MACROD2: variants seen among roughly 807,000 people sequenced by gnomAD.
MACROD2 encodes the protein ADP-ribose glycohydrolase MACROD2.
MACROD2 carries 36 observed loss-of-function variants against 70.4 expected under a neutral mutation model. The observed-to-expected ratio is 0.51, with a 90% confidence interval of 0.39 to 0.68. The LOEUF is 0.68. Among genes scored for constraint, MACROD2 ranks in the 30% least tolerant of loss-of-function variants. The pLI, the probability that MACROD2 is intolerant of heterozygous loss-of-function variation, is 0.00. For synonymous variants in MACROD2, 172 were observed against 178.8 expected (o/e 0.96, Z 0.30); for missense variants, 496 against 538.4 (o/e 0.92, Z 0.78).
chr20:14,528,238 T>C (rs1447773851), intron 4 of MACROD2, among the ~76,000 whole-genome samples: 1 of 151,710 alleles, frequency 6.6e-6, no homozygotes, highest in Non-Finnish European at 1.5e-5. Flanking sequence ...GCCTCCCAAG[T>C]AGCTGGGATT....
At chr20:14,318,820 C>G (rs1034540668) in intron 3 of MACROD2, among the ~76,000 whole-genome samples, 17 of 152,148 alleles carry the variant, frequency 1.1e-4, no homozygotes, top group African/African-American at 4.1e-4. Context: ...GGATCATTTT[C>G]TAACTGCTTT....
At chr20:15,079,236 G>T (rs1347924575) in intron 5 of MACROD2, among the ~76,000 whole-genome samples, 1 of 151,816 alleles carries the variant, frequency 6.6e-6, no homozygotes, top group South Asian at 2.1e-4. Flanking sequence ...TCAGTTACAG[G>T]GAATTTTAGC....
intron 3 of MACROD2, among the ~76,000 whole-genome samples, chr20:14,428,460 A>G (rs1485123316): frequency 6.6e-6 from 1 of 152,138 alleles, no homozygotes; most frequent in Non-Finnish European, 1.5e-5. Context: ...GTTTTATGAA[A>G]TGAAAAGAAT....
chr20:15,030,586 C>T (rs2075266988), intron 5 of MACROD2, among the ~76,000 whole-genome samples: 2 of 152,138 alleles, frequency 1.3e-5, no homozygotes, highest in Non-Finnish European at 2.9e-5. Context: ...TGCTCAACAT[C>T]TTTGCTCAGG....
At chr20:15,784,078 G>A (rs2051879812) in intron 8 of MACROD2, among the ~76,000 whole-genome samples, 1 of 152,084 alleles carries the variant, frequency 6.6e-6, no homozygotes. Context: ...GATATTCCAT[G>A]TAATAGTCTC....
At position 16,048,240 on chromosome 20, in the gene MACROD2, G is replaced by C. The variant is rs575756655; in HGVS notation, c.1301-1590G>C. 3.9e-5 allele frequency among the ~76,000 whole-genome samples: 6 copies of C among 152,224 alleles called. No homozygotes were observed. In the East Asian group the frequency reaches 9.7e-4, roughly 24 times the overall value. On this transcript the variant is annotated intron_variant, in intron 17 of 17. Transcript: ENST00000684519. ...ATCCATTTTGAGTGAGAGTCAGTAGGTAAAATTACAGGACAATTAGCACTA... is the reference window on the plus strand; with the variant it reads ...ATCCATTTTGAGTGAGAGTCAGTAGCTAAAATTACAGGACAATTAGCACTA...
At chr20:15,677,019 G>T (rs923155789) in intron 8 of MACROD2, among the ~76,000 whole-genome samples, 4 of 152,166 alleles carry the variant, frequency 2.6e-5, no homozygotes, top group Non-Finnish European at 1.5e-5. Context: ...CATATAAATT[G>T]ATGACTTTGG....
intron 5 of MACROD2, among the ~76,000 whole-genome samples, chr20:15,023,764 C>T (rs1049464637): frequency 6.6e-6 from 1 of 152,106 alleles, no homozygotes; most frequent in Non-Finnish European, 1.5e-5. Context: ...TAGATTCGCT[C>T]CTATGACGTG....
intron 5 of MACROD2, among the ~76,000 whole-genome samples, chr20:14,918,156 T>G (rs967401248): frequency 6.6e-6 from 1 of 152,084 alleles, no homozygotes; most frequent in African/African-American, 2.4e-5. Flanking sequence ...GTATTATTTT[T>G]GTAGGGATGG....
chr20:14,911,868 G>A (rs2074031797), intron 5 of MACROD2, among the ~76,000 whole-genome samples: 1 of 152,098 alleles, frequency 6.6e-6, no homozygotes, highest in African/African-American at 2.4e-5. Context: ...GGGAAACTGA[G>A]GCATGACGAA....
At chr20:14,718,929 A>G (rs937020651) in intron 5 of MACROD2, among the ~76,000 whole-genome samples, 12 of 152,218 alleles carry the variant, frequency 7.9e-5, no homozygotes, top group African/African-American at 2.9e-4. Flanking sequence ...TACACATTTT[A>G]TAAGTTAAAA....
chr20:14,073,954 C>T (rs867371772), intron 2 of MACROD2, among the ~76,000 whole-genome samples: 4 of 152,158 alleles, frequency 2.6e-5, no homozygotes, highest in East Asian at 1.9e-4. Flanking sequence ...GTCAGACCTT[C>T]GTTGTCCAGT....
At chr20:15,942,317 GGAGCAT>G (rs2065761997) in intron 12 of MACROD2, among the ~76,000 whole-genome samples, 1 of 152,136 alleles carries the variant, frequency 6.6e-6, no homozygotes, top group Non-Finnish European at 1.5e-5. Context: ...AGTTGAGCTG[GGAGCAT>G]GAGATACTAG....
At chr20:15,745,467 G>A (rs2051168796) in intron 8 of MACROD2, among the ~76,000 whole-genome samples, 1 of 152,022 alleles carries the variant, frequency 6.6e-6, no homozygotes, top group Non-Finnish European at 1.5e-5. Flanking sequence ...TTCTCATTGT[G>A]AGAAAAATTG....
intron 3 of MACROD2, among the ~76,000 whole-genome samples, chr20:14,275,573 A>G (rs2082245076): frequency 6.6e-6 from 1 of 151,692 alleles, no homozygotes; most frequent in Non-Finnish European, 1.5e-5. Context: ...AGGCATGGGC[A>G]AGGACTTCAT....
chr20:14,070,916 A>G (rs977639847), intron 2 of MACROD2, among the ~76,000 whole-genome samples: 1 of 152,160 alleles, frequency 6.6e-6, no homozygotes, highest in Non-Finnish European at 1.5e-5. Context: ...ATGGTCTTCC[A>G]GAGATCATCA....
intron 6 of MACROD2, among the ~76,000 whole-genome samples, chr20:15,241,571 T>C (rs1361405787): frequency 6.6e-6 from 1 of 152,134 alleles, no homozygotes; most frequent in East Asian, 1.9e-4. Flanking sequence ...CAGACAACTA[T>C]GTAACCAGGC....
intron 5 of MACROD2, among the ~76,000 whole-genome samples, chr20:15,021,150 A>G (rs114218777): frequency 0.014 from 1,869 of 130,054 alleles, 99 homozygotes; most frequent in South Asian, 0.044. Flanking sequence ...GTGTGTATAC[A>G]CACACCTGTG....
At chr20:15,072,186 A>G (rs907083928) in intron 5 of MACROD2, among the ~76,000 whole-genome samples, 9 of 152,184 alleles carry the variant, frequency 5.9e-5, no homozygotes, top group Non-Finnish European at 1.0e-4. Context: ...GAGACTAAGT[A>G]TACTCAATTT....
Sources: gnomAD v4.1 joint callset for allele counts (sites outside exome capture counted in the v4.1 genomes callset) on GRCh38, gnomAD v4.1.1 for gene constraint, MANE v1.5 for transcripts, NCBI Gene and HGNC (gene_info 2026-07-23, HGNC 2026-07-21) for gene names.